Variants in PCMTD1 observed in about 807,000 individuals in gnomAD.
The protein encoded by PCMTD1 is protein-L-isoaspartate O-methyltransferase domain-containing protein 1.
A neutral mutation model predicts 37.6 loss-of-function variants in PCMTD1; 12 were observed. The ratio of observed to expected loss-of-function variants is 0.32; its 90% CI spans 0.20 to 0.52. The LOEUF (loss-of-function observed/expected upper bound fraction) is 0.52, where lower values mean the gene tolerates loss of function less well. Among genes scored for constraint, PCMTD1 ranks in the 20% least tolerant of loss-of-function variants. The probability of loss-of-function intolerance (pLI) is 0.97; values close to 1 mark genes in which losing one functional copy is unlikely to be tolerated. For missense variants in PCMTD1, 235 were observed against 421.3 expected, an observed-to-expected ratio of 0.56 and a Z score of 3.87; for synonymous variants, 117 against 135.8, an observed-to-expected ratio of 0.86 and a Z score of 0.96.
intron 5 of PCMTD1, among the ~76,000 whole-genome samples, chr8:51,822,131 G>A (rs935472867): frequency 1.1e-4 from 16 of 152,084 alleles, no homozygotes; most frequent in Admixed American, 3.3e-4. Context: ...AACATCTTGC[G>A]GGCAGAGGGA....
chr8:51,894,100 G>A (rs2038969943), intron 1 of PCMTD1, among the ~76,000 whole-genome samples: 1 of 152,106 alleles, frequency 6.6e-6, no homozygotes, highest in African/African-American at 2.4e-5. Flanking sequence ...GGGAGGTGGG[G>A]GCTCTAGGGA....
chr8:51,855,174 C>CAAA (rs1306890644), intron 2 of PCMTD1, among the ~76,000 whole-genome samples: 2 of 41,888 alleles, frequency 4.8e-5, no homozygotes, highest in Non-Finnish European at 1.1e-4. Context: ...AACTCCATCT[C>CAAA]AAAAAAAAAA....
In PCMTD1 at chr8:51,897,253, T is replaced by C. The variant is rs552226641; in HGVS notation, c.-96+1677A>G. ...CCTCCAGCTCTTCTGCACACAGAAATACAGTATGCAATGGGAATTTCCTAG... is the reference window on the plus strand; with the variant it reads ...CCTCCAGCTCTTCTGCACACAGAAACACAGTATGCAATGGGAATTTCCTAG... On this transcript the variant is annotated intron_variant, in intron 1 of 5. Coordinates refer to ENST00000522514, the MANE Select transcript of PCMTD1 (RefSeq NM_052937.4). 2.0e-5 allele frequency among the ~76,000 whole-genome samples: 3 copies of C among 152,334 alleles called. No homozygotes were observed. The East Asian group carries it at 5.8e-4, about 29-fold the overall frequency.
At chr8:51,869,024 A>G (rs550731309) in intron 1 of PCMTD1, among the ~76,000 whole-genome samples, 1 of 152,128 alleles carries the variant, frequency 6.6e-6, no homozygotes, top group Non-Finnish European at 1.5e-5. Context: ...CAAATCCAGA[A>G]GTATGATATT....
intron 2 of PCMTD1, among the ~76,000 whole-genome samples, chr8:51,855,788 T>C (rs1251322535): frequency 6.6e-6 from 1 of 151,668 alleles, no homozygotes; most frequent in Non-Finnish European, 1.5e-5. Context: ...GCCTCCCGAG[T>C]AGCTGCAACT....
intron 1 of PCMTD1, among the ~76,000 whole-genome samples, chr8:51,889,245 T>A (rs1456250408): frequency 6.6e-6 from 1 of 152,224 alleles, no homozygotes; most frequent in Non-Finnish European, 1.5e-5. Context: ...GACCTCATAA[T>A]CTCTGAAAAG....
intron 5 of PCMTD1, among the ~76,000 whole-genome samples, chr8:51,826,597 C>T (rs1325134198): frequency 6.6e-6 from 1 of 152,142 alleles, no homozygotes; most frequent in Non-Finnish European, 1.5e-5. Context: ...CCATTTGTTT[C>T]CCAAAAGGTA....
At chr8:51,897,572 G>A (rs1393396731) in intron 1 of PCMTD1, among the ~76,000 whole-genome samples, 2 of 152,152 alleles carry the variant, frequency 1.3e-5, no homozygotes, top group African/African-American at 4.8e-5. Flanking sequence ...GTTTTATGGA[G>A]TCATCTAGCC....
intron 2 of PCMTD1, among the ~76,000 whole-genome samples, chr8:51,857,956 C>A (rs561684134): frequency 1.3e-5 from 2 of 152,152 alleles, no homozygotes; most frequent in Admixed American, 6.5e-5. Flanking sequence ...CGTGTCACCA[C>A]GCTCCAGCCT....
intron 5 of PCMTD1, among the ~76,000 whole-genome samples, chr8:51,828,415 T>C (rs939861510): frequency 1.3e-5 from 2 of 152,166 alleles, no homozygotes; most frequent in Admixed American, 6.6e-5. Context: ...AGTACTAATA[T>C]AGCATAAATA....
chr8:51,865,021 T>C (rs1362862733), intron 1 of PCMTD1, among the ~76,000 whole-genome samples: 1 of 151,918 alleles, frequency 6.6e-6, no homozygotes, highest in African/African-American at 2.4e-5. Context: ...TCAGAAGATA[T>C]CACAGAAGTA....
chr8:51,878,239 T>TA (rs2038740673), intron 1 of PCMTD1, among the ~76,000 whole-genome samples: 1 of 63,384 alleles, frequency 1.6e-5, no homozygotes, highest in Admixed American at 1.9e-4. Context: ...TATTATGAGA[T>TA]TTTTTTTTTG....
At chr8:51,878,259 T>G (rs2038742671) in intron 1 of PCMTD1, among the ~76,000 whole-genome samples, 1 of 150,116 alleles carries the variant, frequency 6.7e-6, no homozygotes, top group South Asian at 2.1e-4. Flanking sequence ...GGTTTTTTTT[T>G]TTTTTTAGCT....
chr8:51,845,325 T>C (rs2038202371), intron 3 of PCMTD1: 1 of 214,084 alleles, frequency 4.7e-6, no homozygotes, highest in African/African-American at 2.3e-5. Context: ...ACTACTAAAT[T>C]ACTATCCAAA....
Position 51,861,167 on chromosome 8 carries a change from A to C in PCMTD1, c.-16T>G. 6.4e-7 allele frequency: 1 copy of C among 1,556,866 alleles called. No individual in the cohort carries two copies. The highest frequency in any genetic ancestry group is 1.2e-5 in the South Asian group (1 of 82,590). ...CTCCTCCCATGATAGTATTCAAATC[A>C]AATCATAAATTTAAAAGTGAAATAA... On this transcript the variant is annotated 5_prime_UTR_variant, in exon 2 of 6. The change abolishes the stop of an existing upstream ORF in the 5' untranslated region. Coordinates refer to ENST00000522514, the MANE Select transcript of PCMTD1 (RefSeq NM_052937.4).
At position 51,817,857 on chromosome 8, in the gene PCMTD1, T is replaced by G; in HGVS notation, c.*2494A>C. 2.2e-6 allele frequency: 1 copy of G among 456,810 alleles called. No homozygotes were observed. Among genetic ancestry groups the G allele is most frequent in the Non-Finnish European group, 4.4e-6 (1 of 226,990 alleles). The allele number at this position is 456,810 out of a possible 1,614,324, so 28.3% of individuals were successfully genotyped here. The stretch of plus-strand genomic sequence containing the variant: ...GATTGATCTGATGCTAGAAGCTATC[T>G]TAGGCCCTGTCTCTAACTCACTGTA... On this transcript the variant is annotated 3_prime_UTR_variant, in exon 6 of 6. Transcript: ENST00000522514.
intron 2 of PCMTD1, among the ~76,000 whole-genome samples, chr8:51,854,647 G>A (rs978136741): frequency 1.3e-5 from 2 of 152,102 alleles, no homozygotes; most frequent in African/African-American, 4.8e-5. Context: ...GGGAGCCCGA[G>A]GTGGGCAGAT....
At chr8:51,851,463 T>C (rs1166259644) in intron 2 of PCMTD1, among the ~76,000 whole-genome samples, 1 of 152,152 alleles carries the variant, frequency 6.6e-6, no homozygotes, top group Non-Finnish European at 1.5e-5. Context: ...ATTTACATAT[T>C]TCTACACAAT....
intron 2 of PCMTD1, among the ~76,000 whole-genome samples, chr8:51,858,863 T>C (rs2038430147): frequency 6.6e-6 from 1 of 152,192 alleles, no homozygotes; most frequent in Admixed American, 6.5e-5. Flanking sequence ...TAGTGCATTG[T>C]AGATCATTTA....
Sources: gnomAD v4.1 joint callset for allele counts (sites outside exome capture counted in the v4.1 genomes callset) on GRCh38, gnomAD v4.1.1 for gene constraint, MANE v1.5 for transcripts, NCBI Gene and HGNC (gene_info 2026-07-23, HGNC 2026-07-21) for gene names.